Variants in GNG7 observed in about 807,000 individuals in gnomAD.
GNG7 encodes the protein G protein subunit gamma 7.
A neutral mutation model predicts 4.0 loss-of-function variants in GNG7; 1 was observed. That is an observed-to-expected ratio of 0.25 (90% CI 0.09 to 1.18). GNG7 has a LOEUF of 1.18. Among genes scored for constraint, GNG7 ranks in the 50% most tolerant of loss-of-function variants. GNG7 has a pLI of 0.50. For missense variants in GNG7, 86 were observed against 91.9 expected (o/e 0.94, Z 0.26); for synonymous variants, 34 against 36.9 (o/e 0.92, Z 0.29).
At chr19:2,531,303 C>CAAAAAAAAAAAAAAAAAAA (rs58133235) in intron 3 of GNG7, among the ~76,000 whole-genome samples, 1 of 95,074 alleles carries the variant, frequency 1.1e-5, no homozygotes, top group African/African-American at 4.4e-5. Context: ...GATTCCGTCT[C>CAAAAAAAAAAAAAAAAAAA]AAAAAAAAAA....
intron 2 of GNG7, among the ~76,000 whole-genome samples, chr19:2,563,232 GC>G (rs1979801403): frequency 6.6e-6 from 1 of 152,124 alleles, no homozygotes; most frequent in South Asian, 2.1e-4. Flanking sequence ...ACAGGTGTGA[GC>G]CACTGCGTCC....
chr19:2,567,408 C>G (rs567372165), intron 2 of GNG7, among the ~76,000 whole-genome samples: 6 of 150,694 alleles, frequency 4.0e-5, no homozygotes, highest in African/African-American at 1.5e-4. Flanking sequence ...ATCACGCTGC[C>G]TCGACCTCCC....
chr19:2,627,026 GC>G (rs1982038427), intron 2 of GNG7, among the ~76,000 whole-genome samples: 1 of 152,162 alleles, frequency 6.6e-6, no homozygotes, highest in South Asian at 2.1e-4. Context: ...AAACCCGGGA[GC>G]CCCAGCTCCT....
chr19:2,560,645 G>A (rs895661008), intron 2 of GNG7, among the ~76,000 whole-genome samples: 6 of 152,100 alleles, frequency 3.9e-5, no homozygotes, highest in Admixed American at 6.5e-5. Flanking sequence ...ACAGGGCCTG[G>A]GGGGACCCTG....
chr19:2,568,965 C>G (rs1568247465), intron 2 of GNG7, among the ~76,000 whole-genome samples: 1 of 125,030 alleles, frequency 8.0e-6, no homozygotes, highest in Non-Finnish European at 1.9e-5. Context: ...GCATACAGAT[C>G]TGTGCACAAA....
intron 3 of GNG7, among the ~76,000 whole-genome samples, chr19:2,521,417 A>C (rs1978307817): frequency 6.6e-6 from 1 of 151,960 alleles, no homozygotes. Flanking sequence ...ATATCTGGGG[A>C]CATCTGTGGC....
intron 1 of GNG7, among the ~76,000 whole-genome samples, chr19:2,678,569 CAAA>C (rs1216526936): frequency 1.3e-5 from 2 of 152,068 alleles, no homozygotes; most frequent in African/African-American, 4.8e-5. Flanking sequence ...GTGGAGGAAC[CAAA>C]TCCTGGGATG....
intron 1 of GNG7, among the ~76,000 whole-genome samples, chr19:2,669,490 AAAAC>A (rs1167706594): frequency 6.6e-6 from 1 of 152,166 alleles, no homozygotes; most frequent in African/African-American, 2.4e-5. Flanking sequence ...ACTCTGTCTC[AAAAC>A]AAACAAACAA....
chr19:2,652,301 G>A (rs888967205), intron 1 of GNG7, among the ~76,000 whole-genome samples: 3 of 152,068 alleles, frequency 2.0e-5, no homozygotes, highest in Non-Finnish European at 4.4e-5. Flanking sequence ...ACGTATTGTG[G>A]AGTCCAAAAA....
intron 2 of GNG7, among the ~76,000 whole-genome samples, chr19:2,572,349 C>T (rs1269535683): frequency 1.3e-5 from 2 of 152,076 alleles, no homozygotes; most frequent in African/African-American, 2.4e-5. Flanking sequence ...AGACGGGTTT[C>T]GCTACGTTGC....
chr19:2,556,081 G>A (rs1418269737), intron 2 of GNG7, among the ~76,000 whole-genome samples: 1 of 152,222 alleles, frequency 6.6e-6, no homozygotes, highest in Non-Finnish European at 1.5e-5. Context: ...AAGGAGGCCC[G>A]AGGCAGGCAA....
intron 2 of GNG7, among the ~76,000 whole-genome samples, chr19:2,579,173 C>A (rs774454004): frequency 6.6e-6 from 1 of 152,266 alleles, no homozygotes; most frequent in African/African-American, 2.4e-5. Context: ...CCCGGCCGGG[C>A]AGGTCCAGAC....
chr19:2,663,048 C>T (rs1983218669), intron 1 of GNG7, among the ~76,000 whole-genome samples: 4 of 152,176 alleles, frequency 2.6e-5, no homozygotes, highest in Admixed American at 2.6e-4. Flanking sequence ...CACTGACCCA[C>T]AGAAACTGCA....
At chr19:2,528,300 CA>C (rs1310501334) in intron 3 of GNG7, among the ~76,000 whole-genome samples, 1 of 142,936 alleles carries the variant, frequency 7.0e-6, no homozygotes, top group East Asian at 2.1e-4. Flanking sequence ...AGGCCTGGCT[CA>C]GTGGCTCACG....
chr19:2,518,179 G>T (rs989456796), intron 4 of GNG7, among the ~76,000 whole-genome samples: 1 of 152,116 alleles, frequency 6.6e-6, no homozygotes, highest in African/African-American at 2.4e-5. Flanking sequence ...TCTGGTCGCC[G>T]CGTTGGAGCT....
At chr19:2,589,919 CT>C (rs1234683094) in intron 2 of GNG7, among the ~76,000 whole-genome samples, 1 of 152,222 alleles carries the variant, frequency 6.6e-6, no homozygotes, top group Non-Finnish European at 1.5e-5. Context: ...TCAAGCGATT[CT>C]TCTACCTCAG....
intron 1 of GNG7, among the ~76,000 whole-genome samples, chr19:2,649,033 T>TG (rs1982741428): frequency 1.3e-5 from 2 of 150,554 alleles, no homozygotes; most frequent in Admixed American, 1.3e-4. Context: ...GGCCTACAGG[T>TG]GGGCATCACT....
Position 2,513,125 on chromosome 19 carries a change from C to A in GNG7, c.*1897G>T. The A allele has an allele frequency of 2.0e-6, 2 of 985,400 alleles. No homozygotes were observed. Among genetic ancestry groups the A allele is most frequent in the Non-Finnish European group, 2.4e-6 (2 of 829,928 alleles). The allele number at this position is 985,400 out of a possible 1,614,324, so 61.0% of individuals were successfully genotyped here. A position where few individuals can be genotyped will look rare whatever the true frequency, so the allele number is the denominator to read the frequency against. ...GGTTGAGGAGTGGAGGTCACTCCCC[C>A]GACACCTGCACACACACCCGGAGCC... On this transcript the variant is annotated 3_prime_UTR_variant, in exon 5 of 5. Coordinates refer to ENST00000382159, the MANE Select transcript of GNG7 (RefSeq NM_052847.3).
rs372388972 is a variant in GNG7, at chr19:2,657,337, TAAAAAAAAAAAA to T, written c.-134-11069_-134-11058del. 7.3e-3 allele frequency among the ~76,000 whole-genome samples: 101 copies of T among 13,896 alleles called. 1 individual carries two copies. The highest frequency in any genetic ancestry group is 0.012 in the East Asian group (4 of 322). The allele number at this position is 13,896 out of a possible 152,430, so 9.1% of individuals were successfully genotyped here. Reference sequence around the variant, plus strand: ...TGACAAAGCAAGACCCCGTCTCAATTAAAAAAAAAAAAAAAAAAAAAAAAATATATATATATA... The same window carrying T: ...TGACAAAGCAAGACCCCGTCTCAATTAAAAAAAAAAAAATATATATATATA... On this transcript the variant is annotated intron_variant, in intron 1 of 4. Coordinates refer to ENST00000382159, the MANE Select transcript of GNG7 (RefSeq NM_052847.3).
Sources: gnomAD v4.1 joint callset for allele counts (sites outside exome capture counted in the v4.1 genomes callset) on GRCh38, gnomAD v4.1.1 for gene constraint, MANE v1.5 for transcripts, NCBI Gene and HGNC (gene_info 2026-07-23, HGNC 2026-07-21) for gene names.